Variants in SMARCC2 observed in about 807,000 individuals in gnomAD.
SMARCC2 encodes the protein SWI/SNF complex subunit SMARCC2.
A neutral mutation model predicts 151.3 loss-of-function variants in SMARCC2; 15 were observed. The ratio of observed to expected loss-of-function variants is 0.10; its 90% CI spans 0.07 to 0.15. SMARCC2 has a LOEUF of 0.15. SMARCC2 is among the 10% of genes least tolerant of loss of function. The probability of loss-of-function intolerance (pLI) is 1.00; values close to 1 mark genes in which losing one functional copy is unlikely to be tolerated. For missense variants in SMARCC2, 1,031 were observed against 1,599.7 expected, an observed-to-expected ratio of 0.64 and a Z score of 6.06; for synonymous variants, 590 against 609.5, an observed-to-expected ratio of 0.97 and a Z score of 0.47.
intron 26 of SMARCC2, among the ~76,000 whole-genome samples, chr12:56,166,054 C>T (rs1484245507): frequency 3.3e-5 from 5 of 152,228 alleles, no homozygotes; most frequent in Non-Finnish European, 5.9e-5. Flanking sequence ...TAAAAAGTCA[C>T]TGTTCTTAGG....
chr12:56,183,739 A>G, intron 7 of SMARCC2, 122 bp downstream of exon 7: 1 of 639,288 alleles, frequency 1.6e-6, no homozygotes, highest in Non-Finnish European at 2.7e-6. Flanking sequence ...ACTAGGTGAG[A>G]GGAAAACAAA....
rs1872202286 is a variant in SMARCC2 at position 56,163,668 on chromosome 12, G to GA, written c.*20dup. The GA allele has an allele frequency of 6.9e-7, 1 of 1,441,138 alleles. No homozygotes were observed. Among genetic ancestry groups the GA allele is most frequent in the Non-Finnish European group, 9.2e-7 (1 of 1,082,248 alleles). The allele number at this position is 1,441,138 out of a possible 1,614,324, so 89.3% of individuals were successfully genotyped here. ...CGTGATGTCCACAGGGGGTGAGGGGGAGAGATGTCTGGCTGGCTCCTCACT... is the reference window on the plus strand; with the variant it reads ...CGTGATGTCCACAGGGGGTGAGGGGGAAGAGATGTCTGGCTGGCTCCTCACT... On this transcript the variant is annotated 3_prime_UTR_variant, in exon 29 of 29. Transcript: ENST00000550164.
At chr12:56,185,902 CA>C in intron 3 of SMARCC2, 9 of 509,816 alleles carry the variant, frequency 1.8e-5, no homozygotes, top group Admixed American at 3.6e-5. Context: ...TTCAAAGGGA[CA>C]AAAAAAGGTT....
chr12:56,174,182 T>A (rs901957411), intron 16 of SMARCC2, among the ~76,000 whole-genome samples: 14 of 152,170 alleles, frequency 9.2e-5, no homozygotes, highest in African/African-American at 3.4e-4. Flanking sequence ...TGATCACCGC[T>A]CACTGCAGCC....
chr12:56,178,528 C>T lies in SMARCC2; in HGVS notation c.1186G>A (p.Asp396Asn). The change falls in exon 14 of 29, where the codon GAT (aspartate) becomes AAT (asparagine). Residue 396 changes from aspartate to asparagine, a missense_variant. By Grantham distance (23) the Asp-to-Asn change is conservative. This residue lies in a region of SMARCC2 where 127 missense variants were observed against 141.7 expected (regional missense o/e 0.90). Coordinates refer to ENST00000550164, the MANE Select transcript of SMARCC2 (RefSeq NM_001330288.2). ...CCCTTGTTCCCCGTACTGTTCTCAT[C>T]CTCATCCTACGAGTATGGAGGCTGC... ...ESMETTGKDEDENSTGNKGEQ... is the reference protein window; with the variant it reads ...ESMETTGKDENENSTGNKGEQ... 6.2e-7 allele frequency: 1 copy of T among 1,614,232 alleles called. No individual in the cohort carries two copies. Among genetic ancestry groups the T allele is most frequent in the African/African-American group, 1.3e-5 (1 of 75,062 alleles).
Position 56,163,384 on chromosome 12 carries a change from C to T in SMARCC2, c.*305G>A. 1 of 214,576 alleles carries T rather than the reference C, an allele frequency of 4.7e-6. No individual in the cohort carries two copies. Among genetic ancestry groups the T allele is most frequent in the South Asian group, 1.9e-4 (1 of 5,366 alleles). 13.3% of individuals were successfully genotyped at this position (214,576 alleles called of 1,614,324 possible). On this transcript the variant is annotated 3_prime_UTR_variant, in exon 29 of 29. Coordinates refer to ENST00000550164, the MANE Select transcript of SMARCC2 (RefSeq NM_001330288.2). ...GCAGTAGTTTGGAGGGAGGTGTACC[C>T]TTAGAAGTGGTTAATAGAACCTTGT...
In SMARCC2 at chr12:56,181,998, G is replaced by C; in HGVS notation, c.708+6C>G. On this transcript the variant is annotated splice_donor_region_variant and intron_variant, in intron 8 of 28. Coordinates refer to ENST00000550164, the MANE Select transcript of SMARCC2 (RefSeq NM_001330288.2). ...TTGGGGAAGAGGGGATACAAGAAAA[G>C]CTCACCTTCCTAGGTTTCTCAGGAG... 1 of 1,607,312 alleles carries C rather than the reference G, an allele frequency of 6.2e-7. No homozygotes were observed. The highest frequency in any genetic ancestry group is 1.3e-5 in the African/African-American group (1 of 74,756).
In SMARCC2 at chr12:56,174,840, G is replaced by C. The variant is rs910524462; in HGVS notation, c.1383-76C>G. ...AAAGGGCTAAAGGAAAAAATGGTAAGAGAGCTAATGACTTCTCCTGCATGA... is the reference window on the plus strand; with the variant it reads ...AAAGGGCTAAAGGAAAAAATGGTAACAGAGCTAATGACTTCTCCTGCATGA... On this transcript the variant is annotated intron_variant, in intron 15 of 28. Transcript: ENST00000550164. The C allele has an allele frequency of 7.6e-6, 7 of 918,600 alleles. No individual in the cohort carries two copies. In the Admixed American group the frequency reaches 1.1e-4, roughly 14 times the overall value. The allele number at this position is 918,600 out of a possible 1,614,324, so 56.9% of individuals were successfully genotyped here.
chr12:56,188,570 C>A (rs1777564376), intron 1 of SMARCC2, among the ~76,000 whole-genome samples: 1 of 152,172 alleles, frequency 6.6e-6, no homozygotes, highest in African/African-American at 2.4e-5. Context: ...ATTCTTGAAC[C>A]TTTTGTTCAC....
At chr12:56,174,557 C>T in intron 16 of SMARCC2, 94 bp downstream of exon 16, 1 of 794,550 alleles carries the variant, frequency 1.3e-6, no homozygotes, top group Non-Finnish European at 2.2e-6. Flanking sequence ...CTGTCTGCTC[C>T]TCTGTGTTCC....
chr12:56,187,094 C>T (rs913996617), intron 2 of SMARCC2, 93 bp downstream of exon 2: 5 of 1,384,724 alleles, frequency 3.6e-6, no homozygotes, highest in Non-Finnish European at 4.9e-6. Context: ...TCAAAAATTA[C>T]AAAATTCACA....
intron 7 of SMARCC2, among the ~76,000 whole-genome samples, chr12:56,182,741 G>A (rs1876476006): frequency 6.7e-6 from 1 of 149,026 alleles, no homozygotes; most frequent in Non-Finnish European, 1.5e-5. Flanking sequence ...ATAGGAGTGA[G>A]CTACTGTGCC....
Position 56,182,009 on chromosome 12 carries a change from T to C in SMARCC2, c.703A>G (p.Arg235Gly). 2 of 1,610,816 alleles carry C rather than the reference T, an allele frequency of 1.2e-6. No homozygotes were observed. Among genetic ancestry groups the C allele is most frequent in the Non-Finnish European group, 1.7e-6 (2 of 1,177,982 alleles). Residue 235 changes from arginine (R) to glycine (G), a missense_variant, in exon 8 of 29, where the codon AGG becomes GGG. Arg to Gly is a moderately radical substitution (Grantham distance 125). Around this residue, in one of 12 missense-constraint regions of SMARCC2, gnomAD observed 123 missense variants for 190.4 expected, o/e 0.65. Transcript: ENST00000550164. ...VEDAPTPEKP[R>G]KVHAKWILDT... ...GGGATACAAGAAAAGCTCACCTTCC[T>C]AGGTTTCTCAGGAGTTGGAGCATCT...
At position 56,189,443 on chromosome 12, in the gene SMARCC2, CCTT is replaced by C. The variant is rs759489434; in HGVS notation, c.16_18del (p.Lys6del). 6.7e-7 allele frequency: 1 copy of C among 1,501,040 alleles called. No homozygotes were observed. The highest frequency in any genetic ancestry group is 1.3e-5 in the South Asian group (1 of 78,598). The allele number at this position is 1,501,040 out of a possible 1,614,324, so 93.0% of individuals were successfully genotyped here. ...TAGTACTTCACGTTGGGGCCGCCGT[CCTT>C]CTTCCGCACCGCCATCTTCTCCGGC... On this transcript the variant is annotated inframe_deletion, in exon 1 of 29. Coordinates refer to ENST00000550164, the MANE Select transcript of SMARCC2 (RefSeq NM_001330288.2).
At chr12:56,186,581 C>T (rs557721849) in intron 2 of SMARCC2, 1 of 261,498 alleles carries the variant, frequency 3.8e-6, no homozygotes, top group East Asian at 1.1e-4. Flanking sequence ...AACTCCAGAC[C>T]TCAGGTGATC....
At chr12:56,166,909 C>T (rs1440138028) in intron 26 of SMARCC2, among the ~76,000 whole-genome samples, 1 of 151,422 alleles carries the variant, frequency 6.6e-6, no homozygotes. Context: ...ACTAAAAATA[C>T]AAAAATTAGC....
chr12:56,189,222 G>T, intron 1 of SMARCC2, 129 bp downstream of exon 1: 1 of 399,306 alleles, frequency 2.5e-6, no homozygotes, highest in South Asian at 7.4e-5. Flanking sequence ...AGGGCGCGCG[G>T]GGGGCTGCTT....
chr12:56,176,311 A>G (rs987752201), intron 15 of SMARCC2, among the ~76,000 whole-genome samples: 9 of 152,244 alleles, frequency 5.9e-5, no homozygotes, highest in Non-Finnish European at 1.2e-4. Context: ...CTATGAAGAA[A>G]AAACACGGAG....
intron 2 of SMARCC2, 107 bp from the exon 3 acceptor site, chr12:56,186,347 CCCTT>C: frequency 1.5e-6 from 1 of 673,610 alleles, no homozygotes; most frequent in Non-Finnish European, 2.5e-6. Context: ...GAATTGATCT[CCCTT>C]TTTTTTTTTT....
Sources: allele counts gnomAD v4.1 joint callset (sites outside exome capture counted in the v4.1 genomes callset), GRCh38; gene constraint gnomAD v4.1.1; regional missense constraint gnomAD v4.1.1; transcripts MANE v1.5; gene names NCBI Gene and HGNC (gene_info 2026-07-23, HGNC 2026-07-21).